Variants in PTDSS1 observed in about 807,000 individuals in gnomAD.
The protein encoded by PTDSS1 is PSS-1.
PTDSS1 carries 45 observed loss-of-function variants against 70.5 expected under a neutral mutation model. The ratio of observed to expected loss-of-function variants is 0.64; its 90% CI spans 0.50 to 0.82. PTDSS1 has a LOEUF of 0.82. Among genes scored for constraint, PTDSS1 ranks in the 40% least tolerant of loss-of-function variants. The pLI, the probability that PTDSS1 is intolerant of heterozygous loss-of-function variation, is 0.00. For missense variants in PTDSS1, 417 were observed against 586.1 expected (o/e 0.71, Z 2.98); for synonymous variants, 188 against 203.8 (o/e 0.92, Z 0.66).
At chr8:96,295,413 G>C (rs1348767049) in intron 5 of PTDSS1, among the ~76,000 whole-genome samples, 157 bp downstream of exon 5, 1 of 152,150 alleles carries the variant, frequency 6.6e-6, no homozygotes, top group African/African-American at 2.4e-5. Context: ...TAATACTTCT[G>C]TTTAAAAAAC....
chr8:96,291,136 C>T (rs1032008174), intron 4 of PTDSS1, among the ~76,000 whole-genome samples: 2 of 152,160 alleles, frequency 1.3e-5, no homozygotes, highest in Admixed American at 1.3e-4. Context: ...GCATAAGACA[C>T]CATCCCATGC....
Position 96,262,157 on chromosome 8 carries a change from G to C in PTDSS1, c.117G>C (p.Arg39=). 6.2e-7 allele frequency: 1 copy of C among 1,613,924 alleles called. No individual in the cohort carries two copies. The highest frequency in any genetic ancestry group is 1.7e-5 in the Admixed American group (1 of 60,020). ...ACATCACCATTGACTTCTTCTACCG[G>C]CCGCATACCATCACCCTGCTCAGCT... ...VEDITIDFFY[R]PHTITLLSFT... Residue 39 remains arginine, a synonymous_variant, in exon 1 of 13, where the codon CGG becomes CGC. Transcript: ENST00000517309. This position sits in a 1 kb window ranked among gnomAD's most constrained non-coding sequence, Gnocchi z 4.4.
At chr8:96,312,635 G>A (rs980609473) in intron 9 of PTDSS1, among the ~76,000 whole-genome samples, 4 of 152,152 alleles carry the variant, frequency 2.6e-5, no homozygotes, top group Non-Finnish European at 5.9e-5. Context: ...CCGGAACAGT[G>A]TGATACCGAG....
At chr8:96,309,766 T>A in intron 9 of PTDSS1, 144 bp downstream of exon 9, 1 of 602,678 alleles carries the variant, frequency 1.7e-6, no homozygotes, top group Admixed American at 2.9e-5. Flanking sequence ...TATATCTATA[T>A]CTATATATAC....
intron 2 of PTDSS1, among the ~76,000 whole-genome samples, chr8:96,279,775 C>T (rs1318529822): frequency 4.0e-5 from 6 of 151,762 alleles, no homozygotes; most frequent in African/African-American, 9.7e-5. Flanking sequence ...GCCGAGATTG[C>T]GCCACTGCAC....
intron 9 of PTDSS1, among the ~76,000 whole-genome samples, chr8:96,319,204 A>G (rs919820975): frequency 6.6e-6 from 1 of 151,548 alleles, no homozygotes; most frequent in South Asian, 2.1e-4. Context: ...ATGAGCCACC[A>G]TGCCCTGCCC....
chr8:96,276,629 C>T (rs16894399), intron 2 of PTDSS1, among the ~76,000 whole-genome samples: 2,862 of 152,270 alleles, frequency 0.019, 86 homozygotes, highest in African/African-American at 0.065. Context: ...TTCCCTTCCG[C>T]GGTGCTGCTC....
At chr8:96,327,563 A>G (rs1314762196) in intron 10 of PTDSS1, among the ~76,000 whole-genome samples, 1 of 152,118 alleles carries the variant, frequency 6.6e-6, no homozygotes, top group African/African-American at 2.4e-5. Context: ...TTCAAGTTAC[A>G]CCATGCCTTC....
chr8:96,305,218 G>T (rs1811105884), intron 7 of PTDSS1, among the ~76,000 whole-genome samples: 1 of 152,230 alleles, frequency 6.6e-6, no homozygotes, highest in Middle Eastern at 3.2e-3. Flanking sequence ...GAACCACCTG[G>T]TGGTATGCGA....
intron 10 of PTDSS1, among the ~76,000 whole-genome samples, chr8:96,324,741 G>A (rs140281773): frequency 7.9e-5 from 12 of 152,170 alleles, no homozygotes; most frequent in African/African-American, 1.9e-4. Flanking sequence ...GTTAAGTTTC[G>A]AGGAGAGTTT....
In PTDSS1 at chr8:96,262,861, C is replaced by T. The variant is rs1304561723; in HGVS notation, c.179+642C>T. ...GCCTCAAACACTACCATCTGTACCA[C>T]GGCACAAACTGCCACTCTAAACACA... On this transcript the variant is annotated intron_variant, in intron 1 of 12. Transcript: ENST00000517309. This position sits in a 1 kb window ranked among gnomAD's most constrained non-coding sequence, Gnocchi z 4.4. Among the ~76,000 whole-genome samples the T allele has an allele frequency of 3.3e-5, 5 of 152,190 alleles. No homozygotes were observed. Among genetic ancestry groups the T allele is most frequent in the Non-Finnish European group, 5.9e-5 (4 of 68,024 alleles).
chr8:96,312,953 GC>G (rs1451764757), intron 9 of PTDSS1, among the ~76,000 whole-genome samples: 12 of 152,174 alleles, frequency 7.9e-5, no homozygotes, highest in Non-Finnish European at 1.6e-4. Context: ...CTGCTTTATA[GC>G]TTTCTTTTCA....
intron 6 of PTDSS1, among the ~76,000 whole-genome samples, chr8:96,303,317 C>G (rs1242400324): frequency 1.3e-5 from 2 of 152,054 alleles, no homozygotes; most frequent in Non-Finnish European, 2.9e-5. Context: ...AAGGAACAGC[C>G]CTGGTTTCCT....
chr8:96,303,837 CAAT>C (rs747112375), intron 6 of PTDSS1, among the ~76,000 whole-genome samples, 200 bp from the exon 7 acceptor site: 1 of 152,186 alleles, frequency 6.6e-6, no homozygotes, highest in Non-Finnish European at 1.5e-5. Context: ...TGCCTGTCAT[CAAT>C]GAGATTCCTC....
intron 12 of PTDSS1, 70 bp from the exon 13 acceptor site, chr8:96,333,387 C>A: frequency 7.3e-7 from 1 of 1,365,048 alleles, no homozygotes. Context: ...AAGCCTAGGG[C>A]GGTCTGGAAA....
chr8:96,302,621 G>C (rs897152969), intron 6 of PTDSS1, among the ~76,000 whole-genome samples: 1 of 151,838 alleles, frequency 6.6e-6, no homozygotes, highest in Admixed American at 6.6e-5. Flanking sequence ...TCACTCTGTC[G>C]CCTAGGCTGG....
intron 2 of PTDSS1, among the ~76,000 whole-genome samples, chr8:96,279,558 C>G (rs1249790022): frequency 6.6e-6 from 1 of 151,918 alleles, no homozygotes; most frequent in African/African-American, 2.4e-5. Context: ...GTGGCTCACG[C>G]CTGTAATCCC....
chr8:96,319,585 T>G (rs537072863), intron 9 of PTDSS1, among the ~76,000 whole-genome samples: 1 of 152,278 alleles, frequency 6.6e-6, no homozygotes, highest in Non-Finnish European at 1.5e-5. Context: ...ACGGGGGCTA[T>G]TTCATCTGGA....
chr8:96,299,632 T>C, intron 5 of PTDSS1, 62 bp from the exon 6 acceptor site: 1 of 1,449,430 alleles, frequency 6.9e-7, no homozygotes, highest in Non-Finnish European at 9.3e-7. Flanking sequence ...AGGAAATCTA[T>C]CTATCTGCAT....
Sources: allele counts gnomAD v4.1 joint callset (sites outside exome capture counted in the v4.1 genomes callset), GRCh38; gene constraint gnomAD v4.1.1; non-coding constraint Gnocchi (gnomAD v3.1); transcripts MANE v1.5; gene names NCBI Gene and HGNC (gene_info 2026-07-23, HGNC 2026-07-21).